IP6K1: variants seen among roughly 807,000 people sequenced by gnomAD.
IP6K1 encodes inositol hexakisphosphate kinase 1.
Under a neutral mutation model 38.3 loss-of-function variants are expected in IP6K1, and 13 were observed. That is an observed-to-expected ratio of 0.34 (90% CI 0.22 to 0.54). The LOEUF (loss-of-function observed/expected upper bound fraction) is 0.54. Ranked by LOEUF, IP6K1 falls within the 20% of genes least tolerant of loss-of-function variation. IP6K1 has a pLI of 0.92. For missense variants in IP6K1, 397 were observed against 599.8 expected, an observed-to-expected ratio of 0.66 and a Z score of 3.53; for synonymous variants, 212 against 229.9, an observed-to-expected ratio of 0.92 and a Z score of 0.70.
intron 2 of IP6K1, among the ~76,000 whole-genome samples, chr3:49,739,093 C>T (rs1165175197): frequency 3.3e-5 from 5 of 152,058 alleles, no homozygotes; most frequent in Non-Finnish European, 5.9e-5. Context: ...CTCAAGTGTT[C>T]TTAATACAAT....
intron 1 of IP6K1, among the ~76,000 whole-genome samples, chr3:49,753,964 G>A (rs958161699): frequency 6.6e-6 from 1 of 151,894 alleles, no homozygotes; most frequent in Non-Finnish European, 1.5e-5. Flanking sequence ...AAATACAGAA[G>A]GAAAAAGACA....
intron 1 of IP6K1, among the ~76,000 whole-genome samples, chr3:49,758,907 G>A (rs1270302060): frequency 6.6e-6 from 1 of 151,564 alleles, no homozygotes; most frequent in Admixed American, 6.6e-5. Flanking sequence ...GTTACAGTGA[G>A]CCAAGATCCA....
At chr3:49,743,341 G>A (rs1270360885) in intron 2 of IP6K1, among the ~76,000 whole-genome samples, 1 of 151,864 alleles carries the variant, frequency 6.6e-6, no homozygotes, top group Non-Finnish European at 1.5e-5. Context: ...GGGAGGCTGA[G>A]GTATCATGCC....
chr3:49,736,974 G>A (rs548961875), intron 3 of IP6K1, among the ~76,000 whole-genome samples: 5 of 151,200 alleles, frequency 3.3e-5, no homozygotes, highest in African/African-American at 9.7e-5. Flanking sequence ...GGGTTTCACC[G>A]TGTTAGCCAG....
At chr3:49,743,486 C>A (rs1559705625) in intron 2 of IP6K1, among the ~76,000 whole-genome samples, 1 of 151,886 alleles carries the variant, frequency 6.6e-6, no homozygotes, top group African/African-American at 2.4e-5. Context: ...TCAAAACTAG[C>A]CTGGGTAACA....
At chr3:49,762,729 A>G (rs1575321390) in intron 1 of IP6K1, among the ~76,000 whole-genome samples, 1 of 152,150 alleles carries the variant, frequency 6.6e-6, no homozygotes, top group East Asian at 1.9e-4. Flanking sequence ...GAAAACAGAA[A>G]GAGAGAGAAA....
At chr3:49,772,788 G>C (rs892570207) in intron 1 of IP6K1, among the ~76,000 whole-genome samples, 1 of 151,444 alleles carries the variant, frequency 6.6e-6, no homozygotes, top group East Asian at 1.9e-4. Flanking sequence ...ATAGAGACAG[G>C]GTCTCACTAC....
At position 49,727,963 on chromosome 3, in the gene IP6K1, C is replaced by T. The variant is rs2080523874; in HGVS notation, c.792+140G>A. On this transcript the variant is annotated intron_variant, in intron 5 of 5. Coordinates refer to ENST00000321599, the MANE Select transcript of IP6K1 (RefSeq NM_153273.4). This position sits in a 1 kb window ranked among gnomAD's most constrained non-coding sequence, Gnocchi z 5.9. ...GCAGCAGACTCTCACAGTGGTCCTG[C>T]ACCTGAGGCCCATATCAAAGTCAAC... is the stretch of plus-strand genomic sequence containing the variant. The T allele has an allele frequency of 3.7e-6, 3 of 802,426 alleles. No homozygotes were observed. The highest frequency in any genetic ancestry group is 6.1e-6 in the Non-Finnish European group (3 of 494,372). 49.7% of individuals were successfully genotyped at this position (802,426 alleles called of 1,614,324 possible).
intron 1 of IP6K1, among the ~76,000 whole-genome samples, chr3:49,773,406 C>T (rs1393779217): frequency 1.3e-5 from 2 of 152,048 alleles, no homozygotes; most frequent in Admixed American, 6.6e-5. Context: ...GTCAGGATAT[C>T]GAGACCATCC....
At chr3:49,777,226 ACT>A (rs2108263096) in intron 1 of IP6K1, among the ~76,000 whole-genome samples, 1 of 151,946 alleles carries the variant, frequency 6.6e-6, no homozygotes, top group East Asian at 1.9e-4. Context: ...ACAGAGCAAG[ACT>A]CTGTCTCCAA....
chr3:49,760,469 C>T (rs941892350), intron 1 of IP6K1, among the ~76,000 whole-genome samples: 2 of 151,794 alleles, frequency 1.3e-5, no homozygotes, highest in African/African-American at 4.8e-5. Context: ...ACTAAAAATA[C>T]AAAAATTAGT....
rs1436505137 is a variant in IP6K1, at chr3:49,750,180, G to T, written c.-128-2012C>A. Among the ~76,000 whole-genome samples, 36 of 152,144 alleles carry T rather than the reference G, an allele frequency of 2.4e-4. 1 individual carries two copies. Among genetic ancestry groups the T allele is most frequent in the Admixed American group, 2.4e-3 (36 of 15,274 alleles). On this transcript the variant is annotated intron_variant, in intron 1 of 5. Transcript: ENST00000321599. ...AGGGCAGGTCAGGGTCTCTGGAGGT[G>T]GTCATTGCAGCTGTGGATCCTGTTC...
chr3:49,751,548 AGAT>A (rs1414741085), intron 1 of IP6K1, among the ~76,000 whole-genome samples: 1 of 152,092 alleles, frequency 6.6e-6, no homozygotes, highest in Admixed American at 6.5e-5. Flanking sequence ...AGAAGGCCGT[AGAT>A]GATGATGATG....
At chr3:49,767,337 G>T (rs1013497741) in intron 1 of IP6K1, among the ~76,000 whole-genome samples, 34 of 152,174 alleles carry the variant, frequency 2.2e-4, no homozygotes, top group African/African-American at 7.9e-4. Flanking sequence ...CCAACACTTT[G>T]GGAGGCCGAG....
chr3:49,750,155 AG>A (rs890086574), intron 1 of IP6K1, among the ~76,000 whole-genome samples: 2 of 152,150 alleles, frequency 1.3e-5, no homozygotes, highest in African/African-American at 4.8e-5. Flanking sequence ...TGGATTGTGG[AG>A]GGCAGGTCAG....
intron 3 of IP6K1, among the ~76,000 whole-genome samples, chr3:49,735,083 A>C (rs2080596880): frequency 6.6e-6 from 1 of 152,186 alleles, no homozygotes; most frequent in Non-Finnish European, 1.5e-5. Context: ...GACTGGGCGC[A>C]GTGGCTCATG....
At chr3:49,732,656 A>G in intron 4 of IP6K1, 135 bp downstream of exon 4, 2 of 631,022 alleles carry the variant, frequency 3.2e-6, no homozygotes, top group Non-Finnish European at 5.3e-6. Flanking sequence ...AAACGAAGGA[A>G]GAGGAGTCCA....
intron 1 of IP6K1, among the ~76,000 whole-genome samples, chr3:49,776,439 C>T (rs1181187637): frequency 6.6e-6 from 1 of 151,880 alleles, no homozygotes; most frequent in African/African-American, 2.4e-5. Context: ...ATTACTTGAA[C>T]CTGGGAGGCG....
intron 1 of IP6K1, among the ~76,000 whole-genome samples, chr3:49,780,342 A>ACACACACACACAC (rs1553697558): frequency 6.6e-6 from 1 of 151,202 alleles, no homozygotes; most frequent in Non-Finnish European, 1.5e-5. Flanking sequence ...ACACACACAC[A>ACACACACACACAC]GTCTTAGGCT....
Sources: gnomAD v4.1 joint callset for allele counts (sites outside exome capture counted in the v4.1 genomes callset) on GRCh38, gnomAD v4.1.1 for gene constraint, Gnocchi (gnomAD v3.1) non-coding constraint, MANE v1.5 for transcripts, NCBI Gene and HGNC (gene_info 2026-07-23, HGNC 2026-07-21) for gene names.